CAPN9: variants seen among roughly 807,000 people sequenced by gnomAD.
CAPN9 encodes the protein calpain 9, also known as calpain-9.
In CAPN9, 81 loss-of-function variants were observed where a neutral mutation model predicts 92.8. The observed-to-expected ratio is 0.87, with a 90% CI of 0.73 to 1.05. CAPN9 has a LOEUF of 1.05. CAPN9 is among the 50% of genes least tolerant of loss of function. The pLI, the probability that CAPN9 is intolerant of heterozygous loss-of-function variation, is 0.00. For missense variants in CAPN9, 848 were observed against 866.2 expected, an observed-to-expected ratio of 0.98 and a Z score of 0.26; for synonymous variants, 304 against 328.0, an observed-to-expected ratio of 0.93 and a Z score of 0.79.
At chr1:230,771,542 TATC>T in intron 6 of CAPN9, among the ~76,000 whole-genome samples, 1 of 152,366 alleles carries the variant, frequency 6.6e-6, no homozygotes, top group East Asian at 1.9e-4. Context: ...CTTATTTTCT[TATC>T]ATTCATCTGT....
chr1:230,796,070 C>T (rs1388268926), intron 18 of CAPN9, among the ~76,000 whole-genome samples: 4 of 150,126 alleles, frequency 2.7e-5, no homozygotes, highest in South Asian at 2.1e-4. Flanking sequence ...CAGTGGCTCA[C>T]GCCTGTAATC....
intron 4 of CAPN9, among the ~76,000 whole-genome samples, chr1:230,765,367 C>A (rs898607201): frequency 5.9e-5 from 9 of 151,980 alleles, no homozygotes; most frequent in African/African-American, 2.2e-4. Context: ...GGATTATGAA[C>A]CCAAGTAGAA....
intron 4 of CAPN9, among the ~76,000 whole-genome samples, chr1:230,766,367 C>T (rs575859518): frequency 4.6e-5 from 7 of 152,120 alleles, no homozygotes; most frequent in East Asian, 3.9e-4. Context: ...TGATTACAAG[C>T]GCACAATGTG....
At chr1:230,779,387 G>T (rs1444438503) in intron 9 of CAPN9, among the ~76,000 whole-genome samples, 1 of 152,174 alleles carries the variant, frequency 6.6e-6, no homozygotes, top group African/African-American at 2.4e-5. Context: ...CAATAGAAAG[G>T]ATTTGTTATC....
intron 1 of CAPN9, among the ~76,000 whole-genome samples, chr1:230,753,039 G>A (rs191663128): frequency 4.7e-4 from 71 of 152,308 alleles, no homozygotes; most frequent in Admixed American, 2.2e-3. Context: ...AGCCAAGGTG[G>A]AGGAGGAAGA....
In CAPN9 at chr1:230,801,930, A is replaced by G. The variant is rs370436609; in HGVS notation, c.*334A>G. 2.0e-5 allele frequency: 7 copies of G among 351,246 alleles called. No homozygotes were observed. In the East Asian group the frequency reaches 3.2e-4, roughly 16 times the overall value. 21.8% of individuals were successfully genotyped at this position (351,246 alleles called of 1,614,324 possible). ...CAGAGTTCTAACGCACAGAATCCTGACTTCCATGTAGCTCCAGTCATTGTG... is the reference window on the plus strand; with the variant it reads ...CAGAGTTCTAACGCACAGAATCCTGGCTTCCATGTAGCTCCAGTCATTGTG... On this transcript the variant is annotated 3_prime_UTR_variant, in exon 20 of 20. Transcript: ENST00000271971.
At position 230,769,178 on chromosome 1, in the gene CAPN9, A is replaced by G. The variant is rs1479935229; in HGVS notation, c.706-2A>G. 9 of 1,613,128 alleles carry G rather than the reference A, an allele frequency of 5.6e-6. No homozygotes were observed. The highest frequency in any genetic ancestry group is 1.7e-5 in the Admixed American group (1 of 59,980). On this transcript the variant is annotated splice_acceptor_variant, in intron 5 of 19. Transcript: ENST00000271971. LOFTEE classifies it high-confidence loss of function. ...TGTGACTCTGCTCTTTCCATGTTTTAGACCAGAAGTGCTGCAGAATCTGAG... is the reference window on the plus strand; with the variant it reads ...TGTGACTCTGCTCTTTCCATGTTTTGGACCAGAAGTGCTGCAGAATCTGAG...
intron 3 of CAPN9, among the ~76,000 whole-genome samples, chr1:230,761,015 G>A (rs961956472): frequency 2.0e-5 from 3 of 152,106 alleles, no homozygotes; most frequent in Admixed American, 6.5e-5. Context: ...AACTCCCGAG[G>A]ACACTGAGTC....
Position 230,767,650 on chromosome 1 carries a change from T to G in CAPN9, c.646T>G (p.Phe216Val), listed in dbSNP as rs1666076114. The change falls in exon 5 of 20, where the codon TTC becomes GTC. Residue 216 changes from phenylalanine to valine, a missense_variant. Coordinates refer to ENST00000271971, the MANE Select transcript of CAPN9 (RefSeq NM_006615.3). ...CCAAACTAAAGAGGCCCCCGAGAAC[T>G]TCTATGAGATTCTAGAGAAGGCTTT... ...TFQTKEAPEN[F>V]YEILEKALKR... The G allele has an allele frequency of 1.2e-6, 2 of 1,613,880 alleles. No homozygotes were observed. Among genetic ancestry groups the G allele is most frequent in the Non-Finnish European group, 1.7e-6 (2 of 1,179,970 alleles).
intron 15 of CAPN9, 54 bp downstream of exon 15, chr1:230,791,982 C>A: frequency 7.8e-7 from 1 of 1,276,130 alleles, no homozygotes; most frequent in Non-Finnish European, 1.1e-6. Context: ...GCTTTAAGCA[C>A]AGTAGAGTAA....
In CAPN9 at chr1:230,779,116, G is replaced by A; in HGVS notation, c.1097G>A (p.Gly366Asp). The change falls in exon 9 of 20, where the codon GGC becomes GAC. Residue 366 changes from glycine to aspartate, a missense_variant. Transcript: ENST00000271971. Reference sequence around the variant, plus strand: ...TGGGTTCGCGGCTCCACGGCTGGGGGCTGCCGCAATTTCCTGGGTAGGTAG... The same window carrying A: ...TGGGTTCGCGGCTCCACGGCTGGGGACTGCCGCAATTTCCTGGGTAGGTAG... Reference protein sequence around the residue: ...GSWVRGSTAGGCRNFLDTFWT... With the variant: ...GSWVRGSTAGDCRNFLDTFWT... 2 of 1,612,384 alleles carry A rather than the reference G, an allele frequency of 1.2e-6. No individual in the cohort carries two copies. The highest frequency in any genetic ancestry group is 2.2e-5 in the East Asian group (1 of 44,848).
At chr1:230,797,653 C>A (rs535145177) in intron 18 of CAPN9, among the ~76,000 whole-genome samples, 14 of 152,324 alleles carry the variant, frequency 9.2e-5, no homozygotes, top group African/African-American at 3.4e-4. Context: ...CCCAAGAGGG[C>A]AGTGACTTGC....
intron 17 of CAPN9, among the ~76,000 whole-genome samples, chr1:230,793,591 G>A (rs887676646): frequency 5.4e-4 from 83 of 152,306 alleles, no homozygotes; most frequent in African/African-American, 1.6e-3. Flanking sequence ...CCCGCCTGCC[G>A]GGCTGCCTGC....
At chr1:230,775,736 T>C (rs1666715092) in intron 8 of CAPN9, among the ~76,000 whole-genome samples, 1 of 151,966 alleles carries the variant, frequency 6.6e-6, no homozygotes, top group Non-Finnish European at 1.5e-5. Flanking sequence ...GCTAACACAG[T>C]GAAACCCCAC....
rs1266482451 is a variant in CAPN9, at chr1:230,767,528, G to A, written c.537-13G>A. ...TCCCTGACTCTCTCCTCTCTCTCTT[G>A]CCACCCTTGCAGGCTAAATGGGAGC... On this transcript the variant is annotated splice_polypyrimidine_tract_variant and intron_variant, in intron 4 of 19. Transcript: ENST00000271971. 18 of 1,597,734 alleles carry A rather than the reference G, an allele frequency of 1.1e-5. No homozygotes were observed. Among genetic ancestry groups the A allele is most frequent in the Non-Finnish European group, 1.4e-5 (17 of 1,172,922 alleles).
At chr1:230,749,102 AATTG>A (rs1376176325) in intron 1 of CAPN9, among the ~76,000 whole-genome samples, 1 of 152,212 alleles carries the variant, frequency 6.6e-6, no homozygotes, top group Admixed American at 6.5e-5. Context: ...CCTGCCAGGT[AATTG>A]ATCCCACAAG....
chr1:230,761,593 G>C (rs1448736823), intron 3 of CAPN9, among the ~76,000 whole-genome samples: 1 of 148,242 alleles, frequency 6.7e-6, no homozygotes, highest in East Asian at 2.0e-4. Flanking sequence ...GCCACATCGT[G>C]GCCAACTCTT....
rs199941171 is a variant in CAPN9, at chr1:230,747,512, C to T, written c.16C>T (p.Arg6Trp). Residue 6 changes from arginine (R) to tryptophan (W), a missense_variant, in exon 1 of 20, where the codon CGG becomes TGG. Coordinates refer to ENST00000271971, the MANE Select transcript of CAPN9 (RefSeq NM_006615.3). MPYLY[R>W]APGPQAHPVP... ...GGGAGCAGCCATGCCTTACCTCTAC[C>T]GGGCCCCAGGGCCTCAGGCACACCC... 270 of 1,614,080 alleles carry T rather than the reference C, an allele frequency of 1.7e-4. No homozygotes were observed. Among genetic ancestry groups the T allele is most frequent in the Admixed American group, 2.8e-4 (17 of 60,034 alleles).
In CAPN9 at chr1:230,747,725, AG is replaced by A; in HGVS notation, c.213+20del. On this transcript the variant is annotated intron_variant, in intron 1 of 19. Transcript: ENST00000271971. Reference sequence around the variant, plus strand: ...ACGACCAGGGGTGAGTGGGGCGAGCAGGGGAAGGAGCATAGATGAGGCCGAG... The same window carrying A: ...ACGACCAGGGGTGAGTGGGGCGAGCAGGGAAGGAGCATAGATGAGGCCGAG... 6.2e-7 allele frequency: 1 copy of A among 1,612,284 alleles called. No homozygotes were observed. Among genetic ancestry groups the A allele is most frequent in the Non-Finnish European group, 8.5e-7 (1 of 1,178,434 alleles).
Sources: allele counts gnomAD v4.1 joint callset (sites outside exome capture counted in the v4.1 genomes callset), GRCh38; gene constraint gnomAD v4.1.1; transcripts MANE v1.5; gene names NCBI Gene and HGNC (gene_info 2026-07-23, HGNC 2026-07-21).